Variants in LDAH observed in about 807,000 individuals in gnomAD.
LDAH encodes the protein lipid droplet associated hydrolase.
LDAH carries 26 observed loss-of-function variants against 29.6 expected under a neutral mutation model. The observed-to-expected ratio is 0.88, with a 90% CI of 0.64 to 1.22. LDAH has a LOEUF of 1.22. Ranked by LOEUF, LDAH falls within the 50% of genes most tolerant of loss-of-function variation. The pLI, the probability that LDAH is intolerant of heterozygous loss-of-function variation, is 0.00. For synonymous variants in LDAH, 117 were observed against 133.0 expected (o/e 0.88, Z 0.83); for missense variants, 344 against 387.3 (o/e 0.89, Z 0.94).
chr2:20,761,331 A>G (rs1261964189), intron 4 of LDAH, among the ~76,000 whole-genome samples: 2 of 152,174 alleles, frequency 1.3e-5, no homozygotes, highest in Non-Finnish European at 2.9e-5. Flanking sequence ...GTAAGACCCT[A>G]TGCTAGAACT....
intron 6 of LDAH, among the ~76,000 whole-genome samples, chr2:20,690,988 C>T (rs1025983479): frequency 6.6e-6 from 1 of 152,090 alleles, no homozygotes; most frequent in African/African-American, 2.4e-5. Flanking sequence ...AGCAATTTTG[C>T]ATTGAAGAGC....
intron 4 of LDAH, among the ~76,000 whole-genome samples, chr2:20,748,142 T>C (rs1459393641): frequency 6.6e-6 from 1 of 152,206 alleles, no homozygotes; most frequent in African/African-American, 2.4e-5. Context: ...ATCTTTCAAC[T>C]ACTGATTACT....
At chr2:20,811,279 A>G (rs368723333) in intron 1 of LDAH, among the ~76,000 whole-genome samples, 27 of 151,894 alleles carry the variant, frequency 1.8e-4, no homozygotes, top group African/African-American at 5.1e-4. Context: ...CGGCCTCCCA[A>G]AGTGCTGGGA....
intron 4 of LDAH, among the ~76,000 whole-genome samples, chr2:20,762,439 G>A (rs992693399): frequency 4.6e-5 from 7 of 151,990 alleles, no homozygotes; most frequent in African/African-American, 1.2e-4. Context: ...TAAGCCACCT[G>A]GTATTTACCT....
At chr2:20,707,880 A>G (rs1664425112) in intron 5 of LDAH, among the ~76,000 whole-genome samples, 1 of 152,174 alleles carries the variant, frequency 6.6e-6, no homozygotes, top group African/African-American at 2.4e-5. Flanking sequence ...ATTACTGCCT[A>G]AGCTCCACCG....
chr2:20,704,224 TGTGATATTAGCATGA>T (rs1664152815), intron 5 of LDAH, among the ~76,000 whole-genome samples: 1 of 152,230 alleles, frequency 6.6e-6, no homozygotes, highest in Non-Finnish European at 1.5e-5. Context: ...CTTGTCTGTC[TGTGATATTAGCATGA>T]GTACATATAG....
At chr2:20,731,501 T>G (rs111256183) in intron 5 of LDAH, among the ~76,000 whole-genome samples, 3,779 of 152,272 alleles carry the variant, frequency 0.025, 167 homozygotes, top group African/African-American at 0.087. Context: ...CTCTTTTCTT[T>G]ATAAATTACC....
At chr2:20,777,459 CT>C (rs1669896220) in intron 3 of LDAH, among the ~76,000 whole-genome samples, 2 of 152,146 alleles carry the variant, frequency 1.3e-5, no homozygotes, top group Non-Finnish European at 2.9e-5. Flanking sequence ...GAGTCTCACT[CT>C]GTCGCCCAGG....
At chr2:20,819,061 A>G (rs971967960) in intron 1 of LDAH, among the ~76,000 whole-genome samples, 1 of 152,206 alleles carries the variant, frequency 6.6e-6, no homozygotes. Context: ...TGATGAAGAT[A>G]AAATCTATGA....
intron 6 of LDAH, among the ~76,000 whole-genome samples, chr2:20,688,659 C>A (rs13423093): frequency 6.6e-6 from 1 of 151,834 alleles, no homozygotes; most frequent in East Asian, 1.9e-4. Flanking sequence ...ACTGATCTTA[C>A]GAAAACAATG....
chr2:20,772,096 T>C (rs1669473845), intron 4 of LDAH, among the ~76,000 whole-genome samples: 1 of 152,190 alleles, frequency 6.6e-6, no homozygotes. Flanking sequence ...ATTGTGAATA[T>C]GGGCCCAAAA....
intron 2 of LDAH, among the ~76,000 whole-genome samples, chr2:20,797,457 G>A (rs578230914): frequency 2.2e-4 from 33 of 152,254 alleles, no homozygotes; most frequent in Admixed American, 3.9e-4. Context: ...ATGAAATGCT[G>A]GGTCCCTACT....
intron 3 of LDAH, among the ~76,000 whole-genome samples, chr2:20,786,476 C>T (rs559038737): frequency 2.4e-4 from 37 of 152,124 alleles, no homozygotes; most frequent in Non-Finnish European, 4.6e-4. Context: ...AGGCATGAGC[C>T]ACCACGCCTG....
chr2:20,709,626 A>G (rs140408358), intron 5 of LDAH, among the ~76,000 whole-genome samples: 1 of 152,326 alleles, frequency 6.6e-6, no homozygotes, highest in East Asian at 1.9e-4. Context: ...ATACAGAGTT[A>G]CCATATTACC....
At position 20,685,054 on chromosome 2, in the gene LDAH, GA is replaced by G; in HGVS notation, c.*1848del. ...ACAGAGATCAGGCCAGACCAGGTCA[GA>G]AATGCTGGTAAAACATTTATTTCAA... is the stretch of plus-strand genomic sequence containing the variant. On this transcript the variant is annotated 3_prime_UTR_variant, in exon 7 of 7. Transcript: ENST00000237822. 9.1e-7 allele frequency: 1 copy of G among 1,101,154 alleles called. No homozygotes were observed. Among genetic ancestry groups the G allele is most frequent in the Non-Finnish European group, 1.2e-6 (1 of 818,700 alleles). 68.2% of individuals were successfully genotyped at this position (1,101,154 alleles called of 1,614,324 possible).
intron 4 of LDAH, among the ~76,000 whole-genome samples, chr2:20,741,790 C>G (rs115000235): frequency 0.013 from 2,007 of 152,072 alleles, 47 homozygotes; most frequent in African/African-American, 0.046. Context: ...TACATTGTTG[C>G]AAATGACAAA....
chr2:20,803,250 G>A (rs562235449), intron 1 of LDAH, among the ~76,000 whole-genome samples: 16 of 152,298 alleles, frequency 1.1e-4, no homozygotes, highest in South Asian at 4.1e-4. Flanking sequence ...GGTGCCTGCA[G>A]GGGAAAGCTT....
Position 20,698,175 on chromosome 2 carries a change from G to A in LDAH, c.786+3395C>T, listed in dbSNP as rs1276158909. Reference sequence around the variant, plus strand: ...TCCATCTGTCTAGCACATATTTACTGACTGTTTACCAGGTATGAATTATGC... The same window carrying A: ...TCCATCTGTCTAGCACATATTTACTAACTGTTTACCAGGTATGAATTATGC... On this transcript the variant is annotated intron_variant, in intron 6 of 6. Transcript: ENST00000237822. The surrounding 1 kb of genome is among the most constrained non-coding windows in gnomAD (Gnocchi z 4.4). Among the ~76,000 whole-genome samples the A allele has an allele frequency of 1.3e-5, 2 of 152,166 alleles. No homozygotes were observed. Among genetic ancestry groups the A allele is most frequent in the African/African-American group, 4.8e-5 (2 of 41,422 alleles).
intron 2 of LDAH, among the ~76,000 whole-genome samples, chr2:20,798,468 G>A (rs1436347861): frequency 6.6e-6 from 1 of 151,718 alleles, no homozygotes; most frequent in Non-Finnish European, 1.5e-5. Flanking sequence ...TAAGCAAAAA[G>A]ATAACAGAAC....
Sources: gnomAD v4.1 joint callset for allele counts (sites outside exome capture counted in the v4.1 genomes callset) on GRCh38, gnomAD v4.1.1 for gene constraint, Gnocchi (gnomAD v3.1) non-coding constraint, MANE v1.5 for transcripts, NCBI Gene and HGNC (gene_info 2026-07-23, HGNC 2026-07-21) for gene names.